Variants in ACVR1C observed in about 807,000 individuals in gnomAD.
The protein encoded by ACVR1C is activin receptor type-1C.
Under a neutral mutation model 57.9 loss-of-function variants are expected in ACVR1C, and 23 were observed. That is an observed-to-expected ratio of 0.40 (90% confidence interval 0.29 to 0.56). The LOEUF (loss-of-function observed/expected upper bound fraction) is 0.56. Among genes scored for constraint, ACVR1C ranks in the 20% least tolerant of loss-of-function variants. ACVR1C has a pLI of 0.50. For synonymous variants in ACVR1C, 214 were observed against 215.3 expected (o/e 0.99, Z 0.05); for missense variants, 480 against 607.9 (o/e 0.79, Z 2.21).
At chr2:157,596,568 A>C (rs1682123594) in intron 1 of ACVR1C, among the ~76,000 whole-genome samples, 1 of 152,144 alleles carries the variant, frequency 6.6e-6, no homozygotes, top group Non-Finnish European at 1.5e-5. Context: ...TTTACTCTGC[A>C]ATTTATTTTG....
chr2:157,628,010 C>T (rs1345214006), intron 1 of ACVR1C, among the ~76,000 whole-genome samples: 1 of 152,200 alleles, frequency 6.6e-6, no homozygotes, highest in Non-Finnish European at 1.5e-5. Flanking sequence ...AAGCAATGTG[C>T]GTTGCAAACC....
At chr2:157,623,092 C>T (rs533010945) in intron 1 of ACVR1C, among the ~76,000 whole-genome samples, 14 of 152,106 alleles carry the variant, frequency 9.2e-5, no homozygotes, top group South Asian at 2.1e-4. Context: ...GCTTACATTC[C>T]GAAGACAGGC....
intron 7 of ACVR1C, among the ~76,000 whole-genome samples, chr2:157,540,258 A>AC (rs1214803033): frequency 2.0e-5 from 3 of 152,080 alleles, no homozygotes; most frequent in Non-Finnish European, 2.9e-5. Context: ...GAAACTCTAA[A>AC]CCATTTTCTA....
In ACVR1C at chr2:157,550,144, C is replaced by A. The variant is rs776497545; in HGVS notation, c.775+18G>T. The A allele has an allele frequency of 6.2e-7, 1 of 1,610,132 alleles. No individual in the cohort carries two copies. The highest frequency in any genetic ancestry group is 1.7e-5 in the Admixed American group (1 of 59,914). On this transcript the variant is annotated intron_variant, in intron 4 of 8. Coordinates refer to ENST00000243349, the MANE Select transcript of ACVR1C (RefSeq NM_145259.3). Reference sequence around the variant, plus strand: ...GACAGCATTTTTTACTTGTTGAACACAATTAGATTGGAAATACCTTTGTTG... The same window carrying A: ...GACAGCATTTTTTACTTGTTGAACAAAATTAGATTGGAAATACCTTTGTTG...
intron 2 of ACVR1C, among the ~76,000 whole-genome samples, chr2:157,560,752 G>A (rs1688214515): frequency 6.6e-6 from 1 of 152,148 alleles, no homozygotes; most frequent in Admixed American, 6.5e-5. Context: ...TTTAAGCTGA[G>A]GGCTATTTCT....
chr2:157,562,287 C>T (rs1199564671), intron 2 of ACVR1C, among the ~76,000 whole-genome samples: 10 of 117,696 alleles, frequency 8.5e-5, no homozygotes, highest in Non-Finnish European at 1.8e-4. Context: ...GAGCAAGACA[C>T]CGTCTCAAAA....
chr2:157,550,943 G>C (rs1238217369), intron 3 of ACVR1C, among the ~76,000 whole-genome samples: 3 of 151,708 alleles, frequency 2.0e-5, no homozygotes. Context: ...ATTTTCTGCA[G>C]AACAAAAAAA....
chr2:157,622,446 C>A (rs2105159726), intron 1 of ACVR1C, among the ~76,000 whole-genome samples: 1 of 152,248 alleles, frequency 6.6e-6, no homozygotes, highest in Admixed American at 6.5e-5. Flanking sequence ...GAATAAAGAA[C>A]CCAGAAACAA....
chr2:157,566,769 C>A (rs1274419654), intron 2 of ACVR1C, among the ~76,000 whole-genome samples: 54 of 151,828 alleles, frequency 3.6e-4, no homozygotes, highest in Admixed American at 3.5e-3. Flanking sequence ...TGCAAGGCGG[C>A]AACGAGGCTG....
At chr2:157,611,536 T>C (rs981647489) in intron 1 of ACVR1C, among the ~76,000 whole-genome samples, 1 of 150,302 alleles carries the variant, frequency 6.7e-6, no homozygotes, top group Admixed American at 6.6e-5. Context: ...GCTGGCAGGG[T>C]GGGTGGGTTC....
At chr2:157,549,151 C>T (rs1233637457) in intron 4 of ACVR1C, among the ~76,000 whole-genome samples, 2 of 152,056 alleles carry the variant, frequency 1.3e-5, no homozygotes, top group African/African-American at 4.8e-5. Context: ...GTCAGGAGTT[C>T]AAGACCAGAC....
intron 1 of ACVR1C, among the ~76,000 whole-genome samples, chr2:157,604,738 A>C (rs1682356199): frequency 6.6e-6 from 1 of 151,812 alleles, no homozygotes; most frequent in African/African-American, 2.4e-5. Flanking sequence ...TCCACTTCTT[A>C]CTGAGTTGTT....
chr2:157,549,180 C>T (rs1276616198), intron 4 of ACVR1C, among the ~76,000 whole-genome samples: 3 of 152,000 alleles, frequency 2.0e-5, no homozygotes, highest in Non-Finnish European at 4.4e-5. Context: ...ATAGTGAAAA[C>T]CCTGTCTCTA....
intron 8 of ACVR1C, 94 bp downstream of exon 8, chr2:157,538,479 A>ATAATT: frequency 8.3e-7 from 1 of 1,209,560 alleles, no homozygotes; most frequent in Non-Finnish European, 1.1e-6. Flanking sequence ...CATATATGGA[A>ATAATT]TGAATTGGAA....
At chr2:157,626,640 C>A (rs1252777028) in intron 1 of ACVR1C, among the ~76,000 whole-genome samples, 1 of 152,178 alleles carries the variant, frequency 6.6e-6, no homozygotes, top group African/African-American at 2.4e-5. Context: ...GTTGGCTAAC[C>A]ATGTCATAAA....
intron 7 of ACVR1C, among the ~76,000 whole-genome samples, chr2:157,540,703 G>A (rs1181270905): frequency 6.6e-6 from 1 of 151,954 alleles, no homozygotes; most frequent in East Asian, 1.9e-4. Context: ...ATATCACAGG[G>A]AAGAAAAAAA....
In ACVR1C at chr2:157,592,234, G is replaced by T. The variant is rs559777325; in HGVS notation, c.74-4817C>A. Among the ~76,000 whole-genome samples, 3 of 152,032 alleles carry T rather than the reference G, an allele frequency of 2.0e-5. No homozygotes were observed. The East Asian group carries it at 5.8e-4, about 29-fold the overall frequency. On this transcript the variant is annotated intron_variant, in intron 1 of 8. Coordinates refer to ENST00000243349, the MANE Select transcript of ACVR1C (RefSeq NM_145259.3). ...TTATCTAAATTCTGTATTAAGTAAG[G>T]CTCTGAGTACATAATCTGATACTTT...
chr2:157,557,230 G>A (rs1688126431), intron 2 of ACVR1C, among the ~76,000 whole-genome samples: 1 of 152,070 alleles, frequency 6.6e-6, no homozygotes, highest in African/African-American at 2.4e-5. Context: ...GGAAAGGACT[G>A]TGAATTTTAT....
chr2:157,549,207 T>C (rs1350405716), intron 4 of ACVR1C, among the ~76,000 whole-genome samples: 1 of 151,784 alleles, frequency 6.6e-6, no homozygotes, highest in African/African-American at 2.4e-5. Context: ...ATACAAAAAT[T>C]AGCCAGGCAT....
Sources: allele counts gnomAD v4.1 joint callset (sites outside exome capture counted in the v4.1 genomes callset), GRCh38; gene constraint gnomAD v4.1.1; transcripts MANE v1.5; gene names NCBI Gene and HGNC (gene_info 2026-07-23, HGNC 2026-07-21).